XIRP2: variants seen among roughly 807,000 people sequenced by gnomAD.
The protein encoded by XIRP2 is xin actin-binding repeat-containing protein 2.
XIRP2 carries 236 observed loss-of-function variants against 277.0 expected under a neutral mutation model. That is an observed-to-expected ratio of 0.85 (90% CI 0.77 to 0.95). The LOEUF (loss-of-function observed/expected upper bound fraction) is 0.95. XIRP2 is among the 40% of genes least tolerant of loss of function. The pLI, the probability that XIRP2 is intolerant of heterozygous loss-of-function variation, is 0.00. For missense variants in XIRP2, 4,640 were observed against 4,157.5 expected (o/e 1.12, Z -3.19); for synonymous variants, 1,490 against 1,416.5 (o/e 1.05, Z -1.17).
intron 6 of XIRP2, 83 bp from the exon 7 acceptor site, chr2:167,240,581 T>C (rs1695033885): frequency 2.5e-6 from 3 of 1,206,436 alleles, no homozygotes; most frequent in African/African-American, 1.5e-5. Flanking sequence ...TGAAAATCAC[T>C]GTAAAATGAA....
At chr2:167,158,454 C>G (rs187832480) in intron 3 of XIRP2, among the ~76,000 whole-genome samples, 22 of 152,244 alleles carry the variant, frequency 1.4e-4, no homozygotes, top group African/African-American at 5.1e-4. Context: ...ATCAGTTAAT[C>G]AAACCAACAT....
rs1012073039 is a variant in XIRP2, at chr2:166,994,625, G to A, written c.408+90735G>A. On this transcript the variant is annotated intron_variant, in intron 2 of 10. Coordinates refer to ENST00000409195, the MANE Select transcript of XIRP2 (RefSeq NM_152381.6). ...CAGCAATGATGTTAATGATATTTAC[G>A]TTGAATCCATTCTTCAATTGCAGTG... Among the ~76,000 whole-genome samples the A allele has an allele frequency of 4.5e-5, 6 of 132,364 alleles. 1 individual carries two copies. The highest frequency in any genetic ancestry group is 2.1e-4 in the Admixed American group (3 of 14,104). 86.8% of individuals were successfully genotyped at this position (132,364 alleles called of 152,430 possible).
At chr2:166,914,646 C>T (rs78773868) in intron 2 of XIRP2, among the ~76,000 whole-genome samples, 19 of 152,076 alleles carry the variant, frequency 1.2e-4, no homozygotes, top group East Asian at 2.0e-4. Flanking sequence ...CTGGACTAAA[C>T]GTGTGCTGTT....
chr2:167,099,356 C>T (rs983974941), intron 2 of XIRP2, among the ~76,000 whole-genome samples: 26 of 152,142 alleles, frequency 1.7e-4, no homozygotes, highest in African/African-American at 6.3e-4. Context: ...ACCCCTCCAC[C>T]CACCAAGCTC....
chr2:167,115,724 G>A (rs566509690), intron 2 of XIRP2, among the ~76,000 whole-genome samples: 1 of 152,264 alleles, frequency 6.6e-6, no homozygotes, highest in African/African-American at 2.4e-5. Context: ...CAGTCAAGCT[G>A]CATCCTTGCC....
intron 3 of XIRP2, among the ~76,000 whole-genome samples, chr2:167,164,445 C>CAAAAAAA (rs36066566): frequency 4.3e-5 from 2 of 46,634 alleles, no homozygotes; most frequent in African/African-American, 1.6e-4. Context: ...GACTCCGTCT[C>CAAAAAAA]AAAAAAAAAA....
intron 2 of XIRP2, among the ~76,000 whole-genome samples, chr2:167,008,016 T>G (rs1478868791): frequency 6.6e-6 from 1 of 151,568 alleles, no homozygotes; most frequent in African/African-American, 2.4e-5. Flanking sequence ...GTATTCCAGT[T>G]ATGTATTTCT....
At chr2:166,942,829 C>A (rs919701251) in intron 2 of XIRP2, among the ~76,000 whole-genome samples, 3 of 152,002 alleles carry the variant, frequency 2.0e-5, no homozygotes, top group Non-Finnish European at 4.4e-5. Context: ...GAATTTTAAA[C>A]TCTACAGCAT....
At chr2:166,953,565 G>A (rs1388263643) in intron 2 of XIRP2, among the ~76,000 whole-genome samples, 2 of 151,826 alleles carry the variant, frequency 1.3e-5, no homozygotes, top group African/African-American at 4.8e-5. Context: ...CTAGAAGTCT[G>A]AATTTTTTGA....
intron 2 of XIRP2, among the ~76,000 whole-genome samples, chr2:166,905,333 G>A (rs898434104): frequency 4.0e-5 from 6 of 151,784 alleles, no homozygotes; most frequent in African/African-American, 1.5e-4. Context: ...AATGACCAAG[G>A]TAGAAAAAGT....
chr2:166,905,993 T>C (rs1305348625), intron 2 of XIRP2, among the ~76,000 whole-genome samples: 1 of 152,028 alleles, frequency 6.6e-6, no homozygotes. Flanking sequence ...TGCTTCATTA[T>C]AAAGTCATGA....
chr2:167,122,324 T>C (rs957104539), intron 2 of XIRP2, among the ~76,000 whole-genome samples: 1 of 152,166 alleles, frequency 6.6e-6, no homozygotes, highest in Non-Finnish European at 1.5e-5. Context: ...CCTATTTACT[T>C]CCAGCTGTAA....
At chr2:167,103,776 A>G (rs1690545780) in intron 2 of XIRP2, among the ~76,000 whole-genome samples, 1 of 152,194 alleles carries the variant, frequency 6.6e-6, no homozygotes, top group Admixed American at 6.6e-5. Context: ...GTCTTTGCCC[A>G]GATTTGTAAA....
intron 2 of XIRP2, among the ~76,000 whole-genome samples, chr2:167,130,838 T>TG (rs1691352235): frequency 2.0e-5 from 3 of 152,134 alleles, no homozygotes; most frequent in Admixed American, 2.0e-4. Context: ...TGAAGTCAGC[T>TG]ATATACTTTC....
At chr2:166,984,499 T>C (rs1278507063) in intron 2 of XIRP2, among the ~76,000 whole-genome samples, 4 of 152,138 alleles carry the variant, frequency 2.6e-5, no homozygotes, top group African/African-American at 7.2e-5. Context: ...TAAAGATTAC[T>C]ATAAAATAAT....
intron 2 of XIRP2, among the ~76,000 whole-genome samples, chr2:166,910,600 G>A (rs981948694): frequency 2.0e-5 from 3 of 152,032 alleles, no homozygotes; most frequent in African/African-American, 7.2e-5. Flanking sequence ...GGTTTTTTGT[G>A]TCTCTATTTC....
At chr2:167,015,351 T>A (rs1341321575) in intron 2 of XIRP2, among the ~76,000 whole-genome samples, 2 of 151,844 alleles carry the variant, frequency 1.3e-5, no homozygotes, top group Non-Finnish European at 2.9e-5. Flanking sequence ...CTTTTCTTTG[T>A]ATCATAAAAG....
intron 2 of XIRP2, among the ~76,000 whole-genome samples, chr2:167,011,216 G>A (rs1006781365): frequency 9.3e-5 from 14 of 151,124 alleles, no homozygotes; most frequent in Non-Finnish European, 1.6e-4. Context: ...GTTTGTCATA[G>A]ATAGCTCTTA....
intron 3 of XIRP2, among the ~76,000 whole-genome samples, chr2:167,161,340 C>T (rs1241332536): frequency 6.6e-6 from 1 of 152,252 alleles, no homozygotes; most frequent in East Asian, 1.9e-4. Context: ...TCCCACATTT[C>T]CCTTCTCCAC....
Sources: allele counts gnomAD v4.1 joint callset (sites outside exome capture counted in the v4.1 genomes callset), GRCh38; gene constraint gnomAD v4.1.1; transcripts MANE v1.5; gene names NCBI Gene and HGNC (gene_info 2026-07-23, HGNC 2026-07-21).